The following ALKAL1 variants were observed in gnomAD, a reference collection of about 807,000 sequenced individuals.
ALKAL1 encodes the protein AUG-beta.
Under a neutral mutation model 13.5 loss-of-function variants are expected in ALKAL1, and 23 were observed. The observed-to-expected ratio is 1.70, with a 90% CI of 1.23 to 2.41. The LOEUF (loss-of-function observed/expected upper bound fraction) is 2.41. Ranked by LOEUF, ALKAL1 falls within the 30% of genes most tolerant of loss-of-function variation. The pLI is 0.00. For synonymous variants in ALKAL1, 85 were observed against 77.7 expected (o/e 1.09, Z -0.49); for missense variants, 181 against 178.4 (o/e 1.01, Z -0.08).
At chr8:52,540,340 T>G (rs182222290) in intron 2 of ALKAL1, among the ~76,000 whole-genome samples, 121 of 152,326 alleles carry the variant, frequency 7.9e-4, no homozygotes, top group African/African-American at 2.7e-3. Context: ...TTATAATAAT[T>G]TGTGTCTTAT....
At chr8:52,554,556 T>A (rs990543903) in intron 1 of ALKAL1, among the ~76,000 whole-genome samples, 6 of 152,100 alleles carry the variant, frequency 3.9e-5, no homozygotes, top group African/African-American at 1.4e-4. Flanking sequence ...AGAACACAGG[T>A]TTAGGTAGAA....
At chr8:52,553,550 C>T (rs1019360827) in intron 1 of ALKAL1, among the ~76,000 whole-genome samples, 1 of 152,186 alleles carries the variant, frequency 6.6e-6, no homozygotes, top group South Asian at 2.1e-4. Context: ...TCCAGCCAGA[C>T]CGCCAAAGAT....
rs201274348 is a variant in ALKAL1, at chr8:52,558,133, C to CAT, written c.190+6932_190+6933dup. ...ACATGGCAAAACCCTGTCTCTACTA[C>CAT]ATATATATATACACGTATATATACA... On this transcript the variant is annotated intron_variant, in intron 1 of 4. Transcript: ENST00000358543. Among the ~76,000 whole-genome samples, 877 of 150,040 alleles carry CAT rather than the reference C, an allele frequency of 5.8e-3. 8 individuals carry two copies. Among genetic ancestry groups the CAT allele is most frequent in the African/African-American group, 0.02 (836 of 40,898 alleles).
intron 1 of ALKAL1, among the ~76,000 whole-genome samples, chr8:52,557,677 G>A (rs1847498695): frequency 6.6e-6 from 1 of 152,158 alleles, no homozygotes; most frequent in Non-Finnish European, 1.5e-5. Flanking sequence ...TATGGATTCT[G>A]TAGAATTAAC....
rs1847282982 is a variant in ALKAL1, at chr8:52,538,487, A to G, written c.346T>C (p.Leu116=). ...TPAYYKRCAR[L]LTRLAVSPLC... ...GGACTCACTGCTAATCTTGTTAACA[A>G]TCTAGCACATCTTTTGTAATCTAGG... Residue 116 remains leucine (L), a synonymous_variant, in exon 4 of 5, where the codon TTG becomes CTG. Coordinates refer to ENST00000358543, the MANE Select transcript of ALKAL1 (RefSeq NM_207413.4). The G allele has an allele frequency of 6.2e-7, 1 of 1,609,608 alleles. No individual in the cohort carries two copies. The highest frequency in any genetic ancestry group is 1.3e-5 in the African/African-American group (1 of 74,816).
At chr8:52,538,539 T>G (rs193045818) in intron 3 of ALKAL1, 32 bp from the exon 4 acceptor site, 18 of 1,370,346 alleles carry the variant, frequency 1.3e-5, no homozygotes, top group Admixed American at 3.7e-5. Flanking sequence ...AAATTATATA[T>G]AGAGTTACTA....
At chr8:52,535,550 C>CAAAAAAAAAAAAAAAAAAAAAAGAAA (rs1847257310) in intron 4 of ALKAL1, among the ~76,000 whole-genome samples, 4 of 68,630 alleles carry the variant, frequency 5.8e-5, no homozygotes, top group Non-Finnish European at 1.0e-4. Flanking sequence ...GACCCTGTCT[C>CAAAAAAAAAAAAAAAAAAAAAAGAAA]AAAAAAAAAA....
At chr8:52,535,593 A>G (rs1402718591) in intron 4 of ALKAL1, among the ~76,000 whole-genome samples, 1 of 151,110 alleles carries the variant, frequency 6.6e-6, no homozygotes, top group East Asian at 1.9e-4. Flanking sequence ...AGAAAGAAAG[A>G]AAAAAAAGCT....
At chr8:52,541,496 G>C (rs888629637) in intron 2 of ALKAL1, among the ~76,000 whole-genome samples, 2 of 152,086 alleles carry the variant, frequency 1.3e-5, no homozygotes, top group African/African-American at 4.8e-5. Context: ...GGCCGGGCGT[G>C]GTGGCTCACA....
chr8:52,546,248 G>A (rs760184625), intron 1 of ALKAL1, among the ~76,000 whole-genome samples: 1 of 152,168 alleles, frequency 6.6e-6, no homozygotes, highest in South Asian at 2.1e-4. Context: ...TCCTGTGTTT[G>A]TGAATAAAGC....
intron 1 of ALKAL1, among the ~76,000 whole-genome samples, chr8:52,551,716 A>C (rs1464309006): frequency 6.6e-6 from 1 of 152,108 alleles, no homozygotes; most frequent in Non-Finnish European, 1.5e-5. Flanking sequence ...CTTTTGAAAA[A>C]ATAAATTATT....
At position 52,534,543 on chromosome 8, in the gene ALKAL1, A is replaced by T. The variant is rs1005844442; in HGVS notation, c.*70T>A. On this transcript the variant is annotated 3_prime_UTR_variant, in exon 5 of 5. Transcript: ENST00000358543. ...AAATATAAATTTCATCTTTTTTTACATTTTGCATGATTTGAGGCACTTTTT... is the reference window on the plus strand; with the variant it reads ...AAATATAAATTTCATCTTTTTTTACTTTTTGCATGATTTGAGGCACTTTTT... The T allele has an allele frequency of 3.4e-6, 2 of 593,554 alleles. No individual in the cohort carries two copies. Among genetic ancestry groups the T allele is most frequent in the Admixed American group, 3.2e-5 (1 of 31,486 alleles). 36.8% of individuals were successfully genotyped at this position (593,554 alleles called of 1,614,324 possible).
intron 1 of ALKAL1, among the ~76,000 whole-genome samples, chr8:52,548,705 A>C (rs1029741855): frequency 1.3e-5 from 2 of 151,642 alleles, no homozygotes; most frequent in Admixed American, 1.3e-4. Context: ...GAGGGTTAAA[A>C]TCAAACAGAT....
At chr8:52,555,040 G>A (rs1020401728) in intron 1 of ALKAL1, among the ~76,000 whole-genome samples, 6 of 151,946 alleles carry the variant, frequency 3.9e-5, no homozygotes, top group Admixed American at 3.3e-4. Flanking sequence ...GTGTGGTGGC[G>A]GGCGCCTGTA....
At chr8:52,552,642 T>C (rs1590868713) in intron 1 of ALKAL1, among the ~76,000 whole-genome samples, 1 of 152,400 alleles carries the variant, frequency 6.6e-6, no homozygotes, top group East Asian at 1.9e-4. Context: ...AATAGTACTT[T>C]CTTTATTTTG....
intron 1 of ALKAL1, among the ~76,000 whole-genome samples, chr8:52,542,932 G>A (rs1004604664): frequency 3.3e-5 from 5 of 152,088 alleles, no homozygotes; most frequent in Non-Finnish European, 5.9e-5. Flanking sequence ...CCAAGCCATC[G>A]TCCTTTTGTG....
At chr8:52,561,420 T>C (rs186904866) in intron 1 of ALKAL1, among the ~76,000 whole-genome samples, 123 of 152,266 alleles carry the variant, frequency 8.1e-4, no homozygotes, top group African/African-American at 2.7e-3. Flanking sequence ...ATGAATAGAA[T>C]TCCAGCAGGC....
At chr8:52,564,346 G>T (rs182032155) in intron 1 of ALKAL1, among the ~76,000 whole-genome samples, 3 of 152,246 alleles carry the variant, frequency 2.0e-5, no homozygotes, top group African/African-American at 2.4e-5. Context: ...CCAAGTGCCC[G>T]GCCGCCCCCT....
intron 1 of ALKAL1, among the ~76,000 whole-genome samples, chr8:52,561,502 A>G (rs1847550229): frequency 6.6e-6 from 1 of 152,106 alleles, no homozygotes; most frequent in African/African-American, 2.4e-5. Context: ...CTCTGTAAGG[A>G]GGGGGTACCA....
Sources: allele counts gnomAD v4.1 joint callset (sites outside exome capture counted in the v4.1 genomes callset), GRCh38; gene constraint gnomAD v4.1.1; transcripts MANE v1.5; gene names NCBI Gene and HGNC (gene_info 2026-07-23, HGNC 2026-07-21).